ADAM12: variants seen among roughly 807,000 people sequenced by gnomAD.
ADAM12 encodes the protein disintegrin and metalloproteinase domain-containing protein 12.
Under a neutral mutation model 106.4 loss-of-function variants are expected in ADAM12, and 70 were observed. That is an observed-to-expected ratio of 0.66 (90% CI 0.54 to 0.80). The LOEUF (loss-of-function observed/expected upper bound fraction) is 0.80, where lower values mean the gene tolerates loss of function less well. Among genes scored for constraint, ADAM12 ranks in the 30% least tolerant of loss-of-function variants. ADAM12 has a pLI of 0.00. For synonymous variants in ADAM12, 420 were observed against 433.5 expected (o/e 0.97, Z 0.39); for missense variants, 1,010 against 1,171.9 (o/e 0.86, Z 2.02).
chr10:126,339,917 T>C (rs7093079), intron 1 of ADAM12, among the ~76,000 whole-genome samples: 46,540 of 145,284 alleles, frequency 0.32, 7,814 homozygotes, highest in African/African-American at 0.43. Flanking sequence ...TGCAGTGGCC[T>C]GATCTCAGCT....
At chr10:126,134,739 CG>C (rs1956373387) in intron 5 of ADAM12, among the ~76,000 whole-genome samples, 1 of 152,194 alleles carries the variant, frequency 6.6e-6, no homozygotes, top group African/African-American at 2.4e-5. Context: ...CCTGCAAAGA[CG>C]TCACAGGAAC....
At chr10:126,204,356 G>A (rs914532644) in intron 3 of ADAM12, among the ~76,000 whole-genome samples, 4 of 152,218 alleles carry the variant, frequency 2.6e-5, no homozygotes, top group African/African-American at 9.6e-5. Context: ...CTAGGAGAAA[G>A]CCCAGAGAAT....
chr10:126,210,921 T>C (rs1282817763), intron 3 of ADAM12, among the ~76,000 whole-genome samples: 1 of 152,198 alleles, frequency 6.6e-6, no homozygotes, highest in Non-Finnish European at 1.5e-5. Context: ...TGGTCCCTGT[T>C]TTCTGCCAAT....
intron 3 of ADAM12, among the ~76,000 whole-genome samples, chr10:126,196,819 A>G (rs1957604840): frequency 6.6e-6 from 1 of 152,154 alleles, no homozygotes; most frequent in Non-Finnish European, 1.5e-5. Flanking sequence ...AATTTTCTGT[A>G]AGGAGCATCT....
intron 3 of ADAM12, among the ~76,000 whole-genome samples, chr10:126,192,890 T>C (rs1246837564): frequency 6.6e-6 from 1 of 152,254 alleles, no homozygotes; most frequent in Non-Finnish European, 1.5e-5. Flanking sequence ...GGCAGAAACA[T>C]TCAGCTTACT....
chr10:126,160,381 C>A (rs1040477346), intron 3 of ADAM12, among the ~76,000 whole-genome samples: 13 of 152,182 alleles, frequency 8.5e-5, no homozygotes, highest in Non-Finnish European at 1.6e-4. Flanking sequence ...ACTCCCCCCT[C>A]TCCAAAAAAA....
intron 3 of ADAM12, among the ~76,000 whole-genome samples, chr10:126,198,981 G>A (rs1156817733): frequency 6.6e-6 from 1 of 152,176 alleles, no homozygotes; most frequent in Non-Finnish European, 1.5e-5. Flanking sequence ...AGTAAGGAAG[G>A]TAGGCTTGAG....
intron 3 of ADAM12, among the ~76,000 whole-genome samples, chr10:126,155,629 A>T (rs1956801571): frequency 6.6e-6 from 1 of 152,142 alleles, no homozygotes; most frequent in Non-Finnish European, 1.5e-5. Flanking sequence ...CACATTTGTC[A>T]CACACATATA....
At chr10:126,366,179 A>C (rs1288762757) in intron 1 of ADAM12, among the ~76,000 whole-genome samples, 1 of 152,192 alleles carries the variant, frequency 6.6e-6, no homozygotes, top group Non-Finnish European at 1.5e-5. Context: ...AATGGAAATA[A>C]AACAGTCAGT....
At chr10:126,022,238 G>A (rs1953781744) in intron 21 of ADAM12, among the ~76,000 whole-genome samples, 1 of 152,122 alleles carries the variant, frequency 6.6e-6, no homozygotes, top group African/African-American at 2.4e-5. Context: ...ACTCTCTCAG[G>A]CATGTCTCCT....
intron 3 of ADAM12, among the ~76,000 whole-genome samples, chr10:126,226,764 G>C (rs995872641): frequency 2.6e-5 from 4 of 152,148 alleles, no homozygotes; most frequent in Non-Finnish European, 5.9e-5. Context: ...TTTACTGAGC[G>C]ATTACTATGT....
At chr10:126,176,207 G>A (rs1022065240) in intron 3 of ADAM12, among the ~76,000 whole-genome samples, 1 of 152,194 alleles carries the variant, frequency 6.6e-6, no homozygotes, top group African/African-American at 2.4e-5. Context: ...AATATTCTCA[G>A]GGACTCTGAT....
In ADAM12 at chr10:126,135,643, A is replaced by T; in HGVS notation, c.357T>A (p.His119Gln). 1 of 1,614,150 alleles carries T rather than the reference A, an allele frequency of 6.2e-7. No individual in the cohort carries two copies. The change falls in exon 5 of 23, where the codon CAT (histidine) becomes CAA (glutamine). Residue 119 changes from histidine (H) to glutamine (Q), a missense_variant. Transcript: ENST00000448723. ...AATCAGAATATCCCCGTACATGTCC[A>T]TGGTAGTAACAGTGACCCTAAAGGG... ...ARNYTGHCYYHGHVRGYSDSA... is the reference protein window; with the variant it reads ...ARNYTGHCYYQGHVRGYSDSA...
At chr10:126,237,114 C>T (rs542706250) in intron 3 of ADAM12, among the ~76,000 whole-genome samples, 1 of 152,140 alleles carries the variant, frequency 6.6e-6, no homozygotes, top group African/African-American at 2.4e-5. Context: ...TGTTTTCTAG[C>T]ACTCTTCAAA....
rs948916153 is a variant in ADAM12 at position 126,043,242 on chromosome 10, C to CG, written c.1996-95_1996-94insC. On this transcript the variant is annotated intron_variant, in intron 17 of 22. Coordinates refer to ENST00000448723, the MANE Select transcript of ADAM12 (RefSeq NM_001288973.2). This position sits in a 1 kb window ranked among gnomAD's most constrained non-coding sequence, Gnocchi z 4.1. The stretch of plus-strand genomic sequence containing the variant: ...GGGGGGCCATGGTCAGAGCCCCCCC[C>CG]CAACACTGACACAGCCAGACTCAGC... 1.2e-5 allele frequency: 14 copies of CG among 1,138,056 alleles called. No homozygotes were observed. Among genetic ancestry groups the CG allele is most frequent in the East Asian group, 7.6e-5 (3 of 39,326 alleles). 70.5% of individuals were successfully genotyped at this position (1,138,056 alleles called of 1,614,324 possible). A position where few individuals can be genotyped will look rare whatever the true frequency, so the allele number is the denominator to read the frequency against.
At chr10:126,191,115 C>G in intron 3 of ADAM12, among the ~76,000 whole-genome samples, 1 of 149,248 alleles carries the variant, frequency 6.7e-6, no homozygotes, top group Admixed American at 6.8e-5. Context: ...GATTCTCATG[C>G]CTCAGCCTTC....
chr10:126,109,940 T>A (rs1021129532), intron 6 of ADAM12, 100 bp from the exon 7 acceptor site: 3 of 1,125,478 alleles, frequency 2.7e-6, no homozygotes, highest in Non-Finnish European at 3.8e-6. Context: ...AGAATGTATA[T>A]CCCCCATCCC....
intron 1 of ADAM12, among the ~76,000 whole-genome samples, chr10:126,341,292 C>T (rs946921477): frequency 6.6e-6 from 1 of 152,130 alleles, no homozygotes; most frequent in Non-Finnish European, 1.5e-5. Flanking sequence ...GAGGTAGGGG[C>T]CTCGTCTATC....
chr10:126,064,389 T>A lies in ADAM12; in HGVS notation c.1609+417A>T, dbSNP rs1243389348. 6.6e-6 allele frequency among the ~76,000 whole-genome samples: 1 copy of A among 152,186 alleles called. No individual in the cohort carries two copies. Among genetic ancestry groups the A allele is most frequent in the Non-Finnish European group, 1.5e-5 (1 of 68,030 alleles). ...AGTGGTGGTGGGAAAGTTCTGTCTG[T>A]CTGTCCAACTACGTGCTATGCTATC... On this transcript the variant is annotated intron_variant, in intron 14 of 22. Transcript: ENST00000448723. The surrounding 1 kb of genome is among the most constrained non-coding windows in gnomAD (Gnocchi z 4.4).
Sources: allele counts gnomAD v4.1 joint callset (sites outside exome capture counted in the v4.1 genomes callset), GRCh38; gene constraint gnomAD v4.1.1; non-coding constraint Gnocchi (gnomAD v3.1); transcripts MANE v1.5; gene names NCBI Gene and HGNC (gene_info 2026-07-23, HGNC 2026-07-21).